Variants in TRMT9B observed in about 807,000 individuals in gnomAD.
TRMT9B encodes probable tRNA methyltransferase 9B.
TRMT9B carries 16 observed loss-of-function variants against 11.5 expected under a neutral mutation model. The observed-to-expected ratio is 1.39, with a 90% CI of 0.94 to 2.11. TRMT9B has a LOEUF of 2.11. Ranked by LOEUF, TRMT9B falls within the 30% of genes most tolerant of loss-of-function variation. The pLI is 0.00. For missense variants in TRMT9B, 941 were observed against 553.8 expected (o/e 1.70, Z -7.02); for synonymous variants, 274 against 192.4 (o/e 1.42, Z -3.51).
At chr8:13,012,528 T>C (rs528098440) in intron 3 of TRMT9B, 156 bp from the exon 4 acceptor site, 8 of 945,530 alleles carry the variant, frequency 8.5e-6, no homozygotes, top group Non-Finnish European at 1.2e-5. Flanking sequence ...TGAACCGAGA[T>C]TGCGCCACTG....
chr8:13,003,225 G>C (rs189601228), intron 2 of TRMT9B, among the ~76,000 whole-genome samples: 3 of 152,128 alleles, frequency 2.0e-5, no homozygotes, highest in Non-Finnish European at 4.4e-5. Context: ...GCCATCAGTA[G>C]GGCCAAATGA....
At chr8:12,975,592 G>T (rs1402746011) in intron 1 of TRMT9B, among the ~76,000 whole-genome samples, 2 of 152,046 alleles carry the variant, frequency 1.3e-5, no homozygotes, top group Non-Finnish European at 2.9e-5. Flanking sequence ...CAAAAAATTA[G>T]CTGGGTATGG....
At chr8:12,987,652 A>G (rs1412699348) in intron 1 of TRMT9B, among the ~76,000 whole-genome samples, 1 of 151,628 alleles carries the variant, frequency 6.6e-6, no homozygotes, top group Non-Finnish European at 1.5e-5. Context: ...CGATGGTGCC[A>G]CTGCACTCCA....
chr8:12,979,051 G>A (rs1804925527), intron 1 of TRMT9B, among the ~76,000 whole-genome samples: 1 of 152,038 alleles, frequency 6.6e-6, no homozygotes, highest in Non-Finnish European at 1.5e-5. Flanking sequence ...TTACAGACTT[G>A]GGGACACTGA....
intron 1 of TRMT9B, among the ~76,000 whole-genome samples, chr8:12,978,715 T>A (rs1461556523): frequency 6.6e-6 from 1 of 152,192 alleles, no homozygotes; most frequent in South Asian, 2.1e-4. Context: ...AACCAAGACA[T>A]ACACAGCGTC....
chr8:13,014,712 C>G (rs919977054), intron 4 of TRMT9B, among the ~76,000 whole-genome samples: 14 of 152,116 alleles, frequency 9.2e-5, no homozygotes, highest in African/African-American at 3.4e-4. Flanking sequence ...TGCTTTGAAT[C>G]TTTAGTGGAA....
intron 3 of TRMT9B, chr8:13,010,313 C>T (rs1811362142): frequency 1.1e-6 from 1 of 949,492 alleles, no homozygotes; most frequent in African/African-American, 1.8e-5. Context: ...ATGAAAGATG[C>T]ATTTTAATGA....
chr8:13,001,776 G>C (rs370865706), intron 2 of TRMT9B, among the ~76,000 whole-genome samples: 3 of 152,176 alleles, frequency 2.0e-5, no homozygotes, highest in African/African-American at 7.2e-5. Context: ...TCAAAGGAGG[G>C]ACACAATGTG....
chr8:12,956,140 C>T (rs1177528415), intron 1 of TRMT9B, among the ~76,000 whole-genome samples: 1 of 152,204 alleles, frequency 6.6e-6, no homozygotes, highest in Non-Finnish European at 1.5e-5. Context: ...CTGCAAGGGA[C>T]TCTGGGAAAT....
Position 13,022,642 on chromosome 8 carries a change from T to TA in TRMT9B, c.*598_*599insA, listed in dbSNP as rs1243704353. The TA allele has an allele frequency of 6.0e-6, 1 of 167,092 alleles. No individual in the cohort carries two copies. Among genetic ancestry groups the TA allele is most frequent in the Non-Finnish European group, 1.5e-5 (1 of 68,140 alleles). 10.4% of individuals were successfully genotyped at this position (167,092 alleles called of 1,614,324 possible). A position where few individuals can be genotyped will look rare whatever the true frequency, so the allele number is the denominator to read the frequency against. Reference sequence around the variant, plus strand: ...TTACTAAATTATAAGCAAACTTGCTTCAAAATAAGTTGACATGTGATAATA... The same window carrying TA: ...TTACTAAATTATAAGCAAACTTGCTTACAAAATAAGTTGACATGTGATAATA... On this transcript the variant is annotated 3_prime_UTR_variant, in exon 5 of 5. Transcript: ENST00000524591.
chr8:13,018,730 C>CA (rs1412828508), intron 4 of TRMT9B, among the ~76,000 whole-genome samples: 2 of 152,144 alleles, frequency 1.3e-5, no homozygotes, highest in African/African-American at 2.4e-5. Context: ...TGTTTAAAGA[C>CA]AGTTTATTTC....
intron 1 of TRMT9B, among the ~76,000 whole-genome samples, chr8:12,974,019 T>TA (rs1368435759): frequency 2.0e-5 from 3 of 151,780 alleles, no homozygotes; most frequent in East Asian, 1.9e-4. Flanking sequence ...ATTTTTTTTT[T>TA]AAAAAGCTAG....
intron 1 of TRMT9B, 89 bp from the exon 2 acceptor site, chr8:12,990,745 G>A (rs775606876): frequency 4.2e-6 from 3 of 718,642 alleles, no homozygotes; most frequent in Non-Finnish European, 5.9e-6. Context: ...GGTAATTTAT[G>A]CATAGGTCAG....
chr8:12,956,074 A>G (rs1223578460), intron 1 of TRMT9B, among the ~76,000 whole-genome samples: 1 of 152,186 alleles, frequency 6.6e-6, no homozygotes, highest in African/African-American at 2.4e-5. Context: ...GATGCTCTCC[A>G]CTTTCCTTCT....
chr8:12,996,910 A>T (rs1485916497), intron 2 of TRMT9B, among the ~76,000 whole-genome samples: 2 of 150,192 alleles, frequency 1.3e-5, no homozygotes, highest in East Asian at 3.9e-4. Context: ...AATGGCCCAC[A>T]TTTGTTTTAT....
chr8:13,014,528 C>G (rs1812258719), intron 4 of TRMT9B, among the ~76,000 whole-genome samples: 1 of 152,076 alleles, frequency 6.6e-6, no homozygotes, highest in Non-Finnish European at 1.5e-5. Flanking sequence ...ATAAATAGGC[C>G]ATTAAGCCCA....
chr8:13,019,073 A>G (rs962339324), intron 4 of TRMT9B, among the ~76,000 whole-genome samples: 6 of 152,200 alleles, frequency 3.9e-5, no homozygotes, highest in African/African-American at 1.4e-4. Context: ...GTGAATGACC[A>G]TGAAAGTCTG....
intron 1 of TRMT9B, among the ~76,000 whole-genome samples, chr8:12,982,948 G>A (rs573586332): frequency 3.3e-5 from 5 of 152,098 alleles, no homozygotes; most frequent in Non-Finnish European, 5.9e-5. Flanking sequence ...TTCCCCATGC[G>A]AGCACACTAA....
intron 4 of TRMT9B, among the ~76,000 whole-genome samples, chr8:13,015,566 C>G (rs1004826316): frequency 1.3e-5 from 2 of 151,408 alleles, no homozygotes; most frequent in Non-Finnish European, 3.0e-5. Context: ...ATTGTCCAGG[C>G]TGGTCCTGAA....
Sources: allele counts gnomAD v4.1 joint callset (sites outside exome capture counted in the v4.1 genomes callset), GRCh38; gene constraint gnomAD v4.1.1; transcripts MANE v1.5; gene names NCBI Gene and HGNC (gene_info 2026-07-23, HGNC 2026-07-21).